KALRN: variants seen among roughly 807,000 people sequenced by gnomAD.
KALRN encodes the protein kalirin.
A neutral mutation model predicts 353.7 loss-of-function variants in KALRN; 70 were observed. The observed-to-expected ratio is 0.20, with a 90% confidence interval of 0.16 to 0.24. The LOEUF (loss-of-function observed/expected upper bound fraction) is 0.24, where lower values mean the gene tolerates loss of function less well. KALRN is among the 10% of genes least tolerant of loss of function. The pLI, the probability that KALRN is intolerant of heterozygous loss-of-function variation, is 1.00. For missense variants in KALRN, 2,791 were observed against 3,756.7 expected (o/e 0.74, Z 6.72); for synonymous variants, 1,391 against 1,434.8 (o/e 0.97, Z 0.69).
chr3:124,519,948 T>C, intron 33 of KALRN: 1 of 910,264 alleles, frequency 1.1e-6, no homozygotes, highest in Non-Finnish European at 1.3e-6. Flanking sequence ...TCCAGAAAGA[T>C]CTGTCAAGCT....
intron 34 of KALRN, among the ~76,000 whole-genome samples, chr3:124,617,460 G>T (rs1215028432): frequency 6.6e-6 from 1 of 152,200 alleles, no homozygotes; most frequent in Non-Finnish European, 1.5e-5. Flanking sequence ...AGCACAAAAA[G>T]GTATTCAGAG....
At chr3:124,486,197 G>A (rs933308709) in intron 28 of KALRN, among the ~76,000 whole-genome samples, 1 of 152,120 alleles carries the variant, frequency 6.6e-6, no homozygotes, top group Non-Finnish European at 1.5e-5. Context: ...CAAGGATCAG[G>A]GAAAATTTAT....
intron 29 of KALRN, among the ~76,000 whole-genome samples, chr3:124,489,082 G>A (rs1406844024): frequency 2.0e-5 from 3 of 152,164 alleles, no homozygotes; most frequent in African/African-American, 7.2e-5. Context: ...CAAGGTGGGT[G>A]GATCACCTGA....
At chr3:124,308,413 C>T (rs2077917054) in intron 6 of KALRN, among the ~76,000 whole-genome samples, 1 of 151,764 alleles carries the variant, frequency 6.6e-6, no homozygotes, top group African/African-American at 2.4e-5. Flanking sequence ...TAGACCATAT[C>T]CTAGGTCAAA....
At chr3:124,578,662 G>A (rs974685558) in intron 34 of KALRN, among the ~76,000 whole-genome samples, 6 of 152,106 alleles carry the variant, frequency 3.9e-5, no homozygotes, top group African/African-American at 1.2e-4. Flanking sequence ...CCAGGTACTC[G>A]GGAGGCTGAG....
chr3:124,420,745 C>T (rs1311984757), intron 14 of KALRN, among the ~76,000 whole-genome samples: 4 of 152,180 alleles, frequency 2.6e-5, no homozygotes, highest in Non-Finnish European at 5.9e-5. Context: ...TTCCCACTTT[C>T]CCATATTGTC....
intron 1 of KALRN, among the ~76,000 whole-genome samples, chr3:124,034,382 G>C (rs901694959): frequency 6.6e-6 from 1 of 152,182 alleles, no homozygotes; most frequent in African/African-American, 2.4e-5. Context: ...TGACTTGAGA[G>C]GCAGACCCAG....
chr3:124,719,765 T>C lies in KALRN; in HGVS notation c.*295T>C, dbSNP rs1296047473. ...ATATTAGCTGTTACGAAATTTTAAC[T>C]GTATCTTCCAAAATGAGTGGTTAAC... On this transcript the variant is annotated 3_prime_UTR_variant, in exon 60 of 60. Transcript: ENST00000682506. The surrounding 1 kb of genome is among the most constrained non-coding windows in gnomAD (Gnocchi z 5.3). 7.4e-6 allele frequency: 2 copies of C among 269,420 alleles called. No individual in the cohort carries two copies. Among genetic ancestry groups the C allele is most frequent in the Non-Finnish European group, 1.4e-5 (2 of 141,290 alleles). The allele number at this position is 269,420 out of a possible 1,614,324, so 16.7% of individuals were successfully genotyped here.
intron 10 of KALRN, 119 bp from the exon 11 acceptor site, chr3:124,384,726 G>GA (rs2087936783): frequency 1.2e-5 from 12 of 1,000,528 alleles, no homozygotes; most frequent in Admixed American, 2.7e-5. Context: ...CTCAGTGCCA[G>GA]ATCAGGGAGC....
At chr3:124,434,827 C>T (rs999188884) in intron 17 of KALRN, among the ~76,000 whole-genome samples, 1 of 152,202 alleles carries the variant, frequency 6.6e-6, no homozygotes, top group African/African-American at 2.4e-5. Flanking sequence ...CAGCTGTTAC[C>T]ACCATAGTGC....
At chr3:124,268,538 A>G (rs2073827084) in intron 4 of KALRN, 1 of 590,636 alleles carries the variant, frequency 1.7e-6, no homozygotes, top group South Asian at 2.1e-5. Flanking sequence ...GAGGCTTGCT[A>G]AAGCAGTCAG....
At chr3:124,040,318 T>G (rs2039840618) in intron 1 of KALRN, among the ~76,000 whole-genome samples, 1 of 152,220 alleles carries the variant, frequency 6.6e-6, no homozygotes, top group Admixed American at 6.5e-5. Context: ...TTTCTCTGGT[T>G]CTGGTATTTG....
intron 34 of KALRN, among the ~76,000 whole-genome samples, chr3:124,592,370 C>T (rs1346530596): frequency 6.6e-6 from 1 of 150,646 alleles, no homozygotes; most frequent in African/African-American, 2.4e-5. Context: ...CCTAAGTTAT[C>T]CTTCTCTTAG....
At chr3:124,713,888 C>A (rs2063007891) in intron 58 of KALRN, among the ~76,000 whole-genome samples, 1 of 152,158 alleles carries the variant, frequency 6.6e-6, no homozygotes, top group Admixed American at 6.6e-5. Flanking sequence ...ACAAGAACCC[C>A]TTTTCAGTAG....
intron 34 of KALRN, among the ~76,000 whole-genome samples, chr3:124,582,310 T>C (rs6802657): frequency 0.25 from 37,903 of 152,064 alleles, 4,882 homozygotes; most frequent in East Asian, 0.33. Flanking sequence ...CGTGAGCCAC[T>C]GCGCCCAGCC....
chr3:124,285,345 A>G (rs1241576019), intron 5 of KALRN, among the ~76,000 whole-genome samples: 5 of 152,072 alleles, frequency 3.3e-5, no homozygotes, highest in African/African-American at 1.2e-4. Flanking sequence ...TTAAAACTAC[A>G]CTACCCAACA....
intron 55 of KALRN, among the ~76,000 whole-genome samples, 179 bp from the exon 56 acceptor site, chr3:124,699,690 T>C (rs561592408): frequency 1.3e-5 from 2 of 152,342 alleles, no homozygotes; most frequent in Admixed American, 1.3e-4. Flanking sequence ...TATTCCGTCA[T>C]TTAGGAAACC....
intron 33 of KALRN, among the ~76,000 whole-genome samples, chr3:124,556,889 G>A (rs1429462120): frequency 6.6e-6 from 1 of 152,150 alleles, no homozygotes; most frequent in South Asian, 2.1e-4. Flanking sequence ...TTGCTAAGTT[G>A]TTGATGATGT....
At chr3:124,309,193 C>T (rs2078004084) in intron 6 of KALRN, among the ~76,000 whole-genome samples, 1 of 151,848 alleles carries the variant, frequency 6.6e-6, no homozygotes, top group African/African-American at 2.4e-5. Context: ...CAGATGGCTT[C>T]ATCACTGAAT....
Sources: gnomAD v4.1 joint callset for allele counts (sites outside exome capture counted in the v4.1 genomes callset) on GRCh38, gnomAD v4.1.1 for gene constraint, Gnocchi (gnomAD v3.1) non-coding constraint, MANE v1.5 for transcripts, NCBI Gene and HGNC (gene_info 2026-07-23, HGNC 2026-07-21) for gene names.